ADAMTS19: variants seen among roughly 807,000 people sequenced by gnomAD.
The protein encoded by ADAMTS19 is A disintegrin and metalloproteinase with thrombospondin motifs 19.
In ADAMTS19, 93 loss-of-function variants were observed where a neutral mutation model predicts 153.3. That is an observed-to-expected ratio of 0.61 (90% confidence interval 0.51 to 0.72). The LOEUF (loss-of-function observed/expected upper bound fraction) is 0.72. ADAMTS19 is among the 30% of genes least tolerant of loss of function. The pLI is 0.00. For missense variants in ADAMTS19, 1,482 were observed against 1,552.1 expected, an observed-to-expected ratio of 0.95 and a Z score of 0.76; for synonymous variants, 600 against 556.6, an observed-to-expected ratio of 1.08 and a Z score of -1.10.
At chr5:129,484,098 TC>T (rs2126675921) in intron 2 of ADAMTS19, among the ~76,000 whole-genome samples, 1 of 152,304 alleles carries the variant, frequency 6.6e-6, no homozygotes, top group African/African-American at 2.4e-5. Context: ...AATGTTTATT[TC>T]CACAATTTAC....
chr5:129,508,712 A>G (rs931255906), intron 2 of ADAMTS19, among the ~76,000 whole-genome samples: 2 of 152,060 alleles, frequency 1.3e-5, no homozygotes. Context: ...GGACTGTGCC[A>G]TGTATGCAAT....
intron 11 of ADAMTS19, among the ~76,000 whole-genome samples, chr5:129,642,975 A>G (rs1174690778): frequency 6.6e-6 from 1 of 152,184 alleles, no homozygotes; most frequent in Non-Finnish European, 1.5e-5. Flanking sequence ...AACAATAAAA[A>G]TATTCATTAG....
chr5:129,577,464 C>T (rs1003606657), intron 7 of ADAMTS19, among the ~76,000 whole-genome samples: 3 of 151,866 alleles, frequency 2.0e-5, no homozygotes, highest in Non-Finnish European at 2.9e-5. Flanking sequence ...AGGGATAATC[C>T]GGGAGTTCCA....
intron 21 of ADAMTS19, among the ~76,000 whole-genome samples, chr5:129,731,008 G>T (rs1345094986): frequency 6.6e-6 from 1 of 151,904 alleles, no homozygotes; most frequent in Non-Finnish European, 1.5e-5. Flanking sequence ...ACCCAGGCTG[G>T]AGTGCAGTGG....
intron 14 of ADAMTS19, among the ~76,000 whole-genome samples, chr5:129,656,883 T>C (rs1447871724): frequency 6.6e-6 from 1 of 152,212 alleles, no homozygotes; most frequent in African/African-American, 2.4e-5. Context: ...TTTCTCACCA[T>C]TTGCCAAGAG....
chr5:129,688,033 G>A (rs1485557717), intron 18 of ADAMTS19: 1 of 152,004 alleles, frequency 6.6e-6, no homozygotes, highest in African/African-American at 2.4e-5. Context: ...ATGTTAATGG[G>A]GTGCATATTC....
chr5:129,536,264 C>A (rs1752419687), intron 6 of ADAMTS19, among the ~76,000 whole-genome samples: 1 of 152,152 alleles, frequency 6.6e-6, no homozygotes, highest in Non-Finnish European at 1.5e-5. Flanking sequence ...TATGAACAGA[C>A]ACTTCTCAAA....
intron 3 of ADAMTS19, among the ~76,000 whole-genome samples, chr5:129,523,003 G>A (rs893355249): frequency 3.3e-5 from 5 of 151,374 alleles, no homozygotes; most frequent in African/African-American, 4.9e-5. Flanking sequence ...TGAAGTGAGC[G>A]GAGATCGCGA....
At chr5:129,676,303 G>A (rs1561643072) in intron 16 of ADAMTS19, among the ~76,000 whole-genome samples, 1 of 152,106 alleles carries the variant, frequency 6.6e-6, no homozygotes, top group Non-Finnish European at 1.5e-5. Context: ...AACTTCTTGA[G>A]GCTTTTTAAA....
At chr5:129,701,920 C>T (rs1446068236) in intron 20 of ADAMTS19, among the ~76,000 whole-genome samples, 1 of 152,058 alleles carries the variant, frequency 6.6e-6, no homozygotes, top group Non-Finnish European at 1.5e-5. Context: ...TATCCCTGAA[C>T]ATTTAAAATG....
chr5:129,578,776 C>T (rs1401374570), intron 7 of ADAMTS19, among the ~76,000 whole-genome samples: 1 of 151,988 alleles, frequency 6.6e-6, no homozygotes, highest in Non-Finnish European at 1.5e-5. Context: ...TGAACTCATC[C>T]TTTTTTATGG....
chr5:129,494,286 T>A (rs369531008), intron 2 of ADAMTS19, among the ~76,000 whole-genome samples: 79 of 152,312 alleles, frequency 5.2e-4, no homozygotes, highest in African/African-American at 1.8e-3. Context: ...TTTTCAGTGC[T>A]TAGCTTATCA....
intron 10 of ADAMTS19, among the ~76,000 whole-genome samples, chr5:129,636,287 T>C (rs1205613040): frequency 6.6e-6 from 1 of 152,246 alleles, no homozygotes; most frequent in Non-Finnish European, 1.5e-5. Flanking sequence ...TCACAGTTTA[T>C]AGTTGATACC....
intron 6 of ADAMTS19, among the ~76,000 whole-genome samples, chr5:129,546,805 C>T (rs1752876539): frequency 6.6e-6 from 1 of 150,870 alleles, no homozygotes; most frequent in Admixed American, 6.6e-5. Context: ...AAATAAATTG[C>T]TAAATAAATA....
In ADAMTS19 at chr5:129,654,328, C is replaced by T; in HGVS notation, c.2199C>T (p.Cys733=). Residue 733 remains cysteine (C), a synonymous_variant, in exon 14 of 23, where the codon TGC becomes TGT. Transcript: ENST00000274487. ...LDEEKPCALF[C]SPVGKEQPIL... ...TAGAAAAACCATGTGCCTTGTTTTG[C>T]TCTCCTGTTGGAAAAGAACAGCCTA... 6.8e-6 allele frequency: 11 copies of T among 1,611,486 alleles called. No homozygotes were observed. Among genetic ancestry groups the T allele is most frequent in the Non-Finnish European group, 9.3e-6 (11 of 1,179,390 alleles).
At position 129,679,909 on chromosome 5, in the gene ADAMTS19, T is replaced by G; in HGVS notation, c.2652T>G (p.Pro884=). 11 of 1,612,720 alleles carry G rather than the reference T, an allele frequency of 6.8e-6. No individual in the cohort carries two copies. The highest frequency in any genetic ancestry group is 9.3e-6 in the Non-Finnish European group (11 of 1,179,552). ...CTGCCAAAGGTCCTACTACAGCACC[T>G]TTACATCTTCTGGTATGAGGGAATG... ...KISAKGPTTA[P]LHLLVLLFQD... The change falls in exon 17 of 23, where the codon CCT becomes CCG. Residue 884 remains proline (P), a synonymous_variant. Coordinates refer to ENST00000274487, the MANE Select transcript of ADAMTS19 (RefSeq NM_133638.6).
At chr5:129,467,052 A>G (rs1749889589) in intron 2 of ADAMTS19, among the ~76,000 whole-genome samples, 2 of 152,194 alleles carry the variant, frequency 1.3e-5, no homozygotes, top group South Asian at 2.1e-4. Context: ...CGTATTTTGC[A>G]CTCAGATTTA....
At chr5:129,505,947 A>G (rs1751255838) in intron 2 of ADAMTS19, among the ~76,000 whole-genome samples, 1 of 152,192 alleles carries the variant, frequency 6.6e-6, no homozygotes, top group South Asian at 2.1e-4. Flanking sequence ...GTGTCATATT[A>G]ATTCATATAA....
At chr5:129,736,596 T>C (rs1757678391) in intron 22 of ADAMTS19, among the ~76,000 whole-genome samples, 1 of 152,116 alleles carries the variant, frequency 6.6e-6, no homozygotes, top group South Asian at 2.1e-4. Flanking sequence ...TCCATTTAGA[T>C]GTGTCTGTTA....
Sources: gnomAD v4.1 joint callset for allele counts (sites outside exome capture counted in the v4.1 genomes callset) on GRCh38, gnomAD v4.1.1 for gene constraint, MANE v1.5 for transcripts, NCBI Gene and HGNC (gene_info 2026-07-23, HGNC 2026-07-21) for gene names.